Variants in PDE4D observed in about 807,000 individuals in gnomAD.
The protein encoded by PDE4D is 3',5'-cyclic-AMP phosphodiesterase 4D.
Under a neutral mutation model 87.4 loss-of-function variants are expected in PDE4D, and 24 were observed. The observed-to-expected ratio is 0.27, with a 90% CI of 0.20 to 0.39. The LOEUF is 0.39. Among genes scored for constraint, PDE4D ranks in the 10% least tolerant of loss-of-function variants. The pLI is 1.00. For missense variants in PDE4D, 714 were observed against 1,041.0 expected (o/e 0.69, Z 4.32); for synonymous variants, 384 against 383.2 (o/e 1.00, Z -0.02).
intron 1 of PDE4D, among the ~76,000 whole-genome samples, chr5:59,822,717 T>G (rs1337015859): frequency 6.6e-6 from 1 of 152,184 alleles, no homozygotes; most frequent in Non-Finnish European, 1.5e-5. Flanking sequence ...TAGAAGCCAC[T>G]CTGCATACCT....
At chr5:60,385,244 G>A (rs1359731478) in intron 1 of PDE4D, among the ~76,000 whole-genome samples, 1 of 152,218 alleles carries the variant, frequency 6.6e-6, no homozygotes, top group Non-Finnish European at 1.5e-5. Flanking sequence ...AGAATGGCAA[G>A]TATGGGAAGG....
upstream of PDE4D, chr5:59,893,912 C>G: frequency 1.1e-6 from 1 of 890,542 alleles, no homozygotes; most frequent in Non-Finnish European, 1.5e-6. Flanking sequence ...TGCCCGGTTT[C>G]GCCAGAGGTT....
intron 1 of PDE4D, among the ~76,000 whole-genome samples, chr5:59,396,302 G>T (rs1203499535): frequency 9.8e-6 from 1 of 101,784 alleles, no homozygotes; most frequent in African/African-American, 4.5e-5. Context: ...AAGTTGAAAT[G>T]AAGGAAAAAA....
intron 1 of PDE4D, among the ~76,000 whole-genome samples, chr5:59,737,576 T>C (rs1385294753): frequency 1.3e-5 from 2 of 152,144 alleles, no homozygotes; most frequent in East Asian, 3.8e-4. Context: ...AAGAAATTAA[T>C]AACATAATAT....
At chr5:59,346,090 T>C (rs1051929223) in intron 1 of PDE4D, among the ~76,000 whole-genome samples, 2 of 148,820 alleles carry the variant, frequency 1.3e-5, no homozygotes, top group African/African-American at 5.0e-5. Flanking sequence ...CAATATTGAC[T>C]GAAATAAAAT....
chr5:59,675,610 C>T (rs1258860817), intron 1 of PDE4D, among the ~76,000 whole-genome samples: 2 of 152,000 alleles, frequency 1.3e-5, no homozygotes, highest in Non-Finnish European at 2.9e-5. Flanking sequence ...TGCTCTTGGA[C>T]CCAAAGTTCT....
At chr5:59,218,018 T>C (rs1470309979) in intron 1 of PDE4D, 1 of 487,376 alleles carries the variant, frequency 2.1e-6, no homozygotes, top group Non-Finnish European at 4.1e-6. Flanking sequence ...GAAGTTTTCA[T>C]GAAGAGTAGT....
At chr5:59,033,704 G>A (rs1416680186) in intron 6 of PDE4D, among the ~76,000 whole-genome samples, 2 of 151,964 alleles carry the variant, frequency 1.3e-5, no homozygotes, top group African/African-American at 4.8e-5. Flanking sequence ...CATAACATTA[G>A]AAAAAATACT....
intron 3 of PDE4D, among the ~76,000 whole-genome samples, chr5:59,190,352 A>C (rs1744036517): frequency 6.6e-6 from 1 of 152,200 alleles, no homozygotes; most frequent in Admixed American, 6.5e-5. Flanking sequence ...TTATTTTTCT[A>C]AACTTTTATG....
intron 1 of PDE4D, chr5:59,430,496 C>T (rs2153631451): frequency 8.9e-7 from 1 of 1,127,458 alleles, no homozygotes; most frequent in East Asian, 3.2e-5. Context: ...AAGAACATGT[C>T]AGATAATAGA....
At chr5:59,758,387 G>A (rs1761547132) in intron 1 of PDE4D, among the ~76,000 whole-genome samples, 1 of 151,892 alleles carries the variant, frequency 6.6e-6, no homozygotes, top group African/African-American at 2.4e-5. Context: ...ATGAACCTAA[G>A]TGTTTTTATT....
At chr5:60,507,119 G>A (rs752653922) in intron 1 of PDE4D, among the ~76,000 whole-genome samples, 2 of 151,146 alleles carry the variant, frequency 1.3e-5, no homozygotes, top group South Asian at 2.1e-4. Flanking sequence ...TCACCCTGTC[G>A]CCCAGGCTGG....
At chr5:60,404,161 C>CTTTT (rs35780128) in intron 1 of PDE4D, among the ~76,000 whole-genome samples, 31 of 119,386 alleles carry the variant, frequency 2.6e-4, no homozygotes, top group Non-Finnish European at 3.8e-4. Flanking sequence ...TCAGCCAATT[C>CTTTT]TTTTTTTTTT....
chr5:59,025,028 A>G (rs1459815613), intron 6 of PDE4D, among the ~76,000 whole-genome samples: 1 of 152,172 alleles, frequency 6.6e-6, no homozygotes, highest in Non-Finnish European at 1.5e-5. Flanking sequence ...AGTGGTCAAA[A>G]AAAAAAAATT....
At chr5:59,868,434 C>G (rs1337401022) in intron 1 of PDE4D, among the ~76,000 whole-genome samples, 1 of 151,988 alleles carries the variant, frequency 6.6e-6, no homozygotes, top group Non-Finnish European at 1.5e-5. Flanking sequence ...GAGAACTCTG[C>G]TGAGAAAATG....
In PDE4D at chr5:59,882,383, A is replaced by G. The variant is rs573815778; in HGVS notation, c.455+10785T>C. 8.5e-5 allele frequency among the ~76,000 whole-genome samples: 13 copies of G among 152,274 alleles called. 1 individual carries two copies. The East Asian group carries it at 1.9e-3, about 23-fold the overall frequency. On this transcript the variant is annotated intron_variant, in intron 1 of 14. Transcript: ENST00000340635. ...TAGTAAAATAAAAATGTGTGTATAG[A>G]AGAGTCCAAACTTTTACTTTATGTT...
chr5:59,326,409 C>T (rs1775667176), intron 1 of PDE4D, among the ~76,000 whole-genome samples: 1 of 151,622 alleles, frequency 6.6e-6, no homozygotes, highest in Non-Finnish European at 1.5e-5. Flanking sequence ...CTCTGTGATT[C>T]TGGAGCCATA....
chr5:59,760,804 T>C (rs1390396368), intron 1 of PDE4D, among the ~76,000 whole-genome samples: 1 of 152,220 alleles, frequency 6.6e-6, no homozygotes, highest in African/African-American at 2.4e-5. Flanking sequence ...GACTGTTAAA[T>C]TCAGGAAATT....
At chr5:59,263,385 C>G (rs901696995) in intron 1 of PDE4D, among the ~76,000 whole-genome samples, 1 of 151,852 alleles carries the variant, frequency 6.6e-6, no homozygotes, top group African/African-American at 2.4e-5. Context: ...GGTTTCATGA[C>G]AGCACAGAGA....
Sources: allele counts gnomAD v4.1 joint callset (sites outside exome capture counted in the v4.1 genomes callset), GRCh38; gene constraint gnomAD v4.1.1; transcripts MANE v1.5; gene names NCBI Gene and HGNC (gene_info 2026-07-23, HGNC 2026-07-21).